BCL9: variants seen among roughly 807,000 people sequenced by gnomAD.
The protein encoded by BCL9 is BCL9 transcription coactivator.
BCL9 carries 25 observed loss-of-function variants against 88.5 expected under a neutral mutation model. The ratio of observed to expected loss-of-function variants is 0.28; its 90% CI spans 0.21 to 0.39. The LOEUF (loss-of-function observed/expected upper bound fraction) is 0.39. Ranked by LOEUF, BCL9 falls within the 10% of genes least tolerant of loss-of-function variation. The pLI, the probability that BCL9 is intolerant of heterozygous loss-of-function variation, is 1.00. For missense variants in BCL9, 1,817 were observed against 1,877.8 expected, an observed-to-expected ratio of 0.97 and a Z score of 0.60; for synonymous variants, 711 against 673.3, an observed-to-expected ratio of 1.06 and a Z score of -0.87.
intron 1 of BCL9, among the ~76,000 whole-genome samples, chr1:147,569,618 C>A (rs1655784774): frequency 6.6e-6 from 1 of 151,824 alleles, no homozygotes; most frequent in African/African-American, 2.4e-5. Flanking sequence ...CCACTGCACT[C>A]CAGCCTGGAT....
intron 7 of BCL9, among the ~76,000 whole-genome samples, chr1:147,616,322 C>T (rs948088811): frequency 1.3e-5 from 2 of 152,304 alleles, no homozygotes; most frequent in Admixed American, 1.3e-4. Flanking sequence ...GTATCATAAT[C>T]AGAGCCTCAT....
intron 1 of BCL9, among the ~76,000 whole-genome samples, chr1:147,594,039 T>C (rs925440638): frequency 2.6e-5 from 4 of 152,222 alleles, no homozygotes; most frequent in Non-Finnish European, 2.9e-5. Context: ...ATATTGTTTC[T>C]GTTATACAAT....
chr1:147,566,343 C>T (rs1303309519), intron 1 of BCL9, among the ~76,000 whole-genome samples: 5 of 152,102 alleles, frequency 3.3e-5, no homozygotes, highest in Non-Finnish European at 4.4e-5. Flanking sequence ...TATGTATAGG[C>T]AGGAGTGGGT....
chr1:147,578,532 GA>G (rs1390438052), intron 1 of BCL9, among the ~76,000 whole-genome samples: 26 of 151,916 alleles, frequency 1.7e-4, no homozygotes, highest in African/African-American at 5.8e-4. Context: ...TTCAAAATGT[GA>G]AAAAAAATCT....
chr1:147,614,647 C>T, intron 6 of BCL9, 31 bp downstream of exon 6: 3 of 1,565,906 alleles, frequency 1.9e-6, no homozygotes, highest in Non-Finnish European at 2.6e-6. Flanking sequence ...TGCTGTTGGG[C>T]AGGGCTTGTC....
chr1:147,609,144 TTGGGGGAAAAAAATCTCTC>T (rs1657875647), intron 3 of BCL9, among the ~76,000 whole-genome samples: 1 of 152,154 alleles, frequency 6.6e-6, no homozygotes. Flanking sequence ...TGTAGTTATG[TTGGGGGAAAAAAATCTCTC>T]TGGCTATAAT....
rs782280789 is a variant in BCL9 at position 147,624,111 on chromosome 1, C to T, written c.3433C>T (p.Gln1145Ter). 6.2e-7 allele frequency: 1 copy of T among 1,601,152 alleles called. No homozygotes were observed. The change falls in exon 10 of 10, where the codon CAG (glutamine) becomes TAG (stop). Residue 1145 changes from glutamine (Q) to a stop codon, truncating the protein, a stop_gained. Transcript: ENST00000234739. LOFTEE classifies it high-confidence loss of function. This position sits in a 1 kb window ranked among gnomAD's most constrained non-coding sequence, Gnocchi z 4.4. ...MGFPQGFPPVQSPPQQVPFPH... is the reference protein window; with the variant it reads ...MGFPQGFPPV ...CTTCCCCCAGGGCTTCCCTCCAGTA[C>T]AGTCTCCCCCACAGCAGGTTCCATT...
intron 2 of BCL9, among the ~76,000 whole-genome samples, chr1:147,605,624 G>A (rs587680103): frequency 2.1e-4 from 32 of 152,276 alleles, no homozygotes; most frequent in African/African-American, 7.7e-4. Context: ...TTAATATTTT[G>A]CTTGGACCAA....
chr1:147,617,669 C>T (rs1021416993), intron 7 of BCL9, among the ~76,000 whole-genome samples: 1 of 152,062 alleles, frequency 6.6e-6, no homozygotes, highest in African/African-American at 2.4e-5. Flanking sequence ...CAGAGATACA[C>T]GTAATTATTT....
Position 147,620,377 on chromosome 1 carries a change from G to A in BCL9, c.2222G>A (p.Gly741Glu), listed in dbSNP as rs781899252. ...ATACCTCAGAAGATGAGAGAGGCTG[G>A]GGCGGGCCCTGAGGAGATGCTGAAA... ...QMIPQKMREA[G>E]AGPEEMLKLR... The change falls in exon 8 of 10, where the codon GGG (glycine) becomes GAG (glutamate). Residue 741 changes from glycine (G) to glutamate (E), a missense_variant. Physicochemically the swap from Gly to Glu is moderately conservative, Grantham distance 98. Coordinates refer to ENST00000234739, the MANE Select transcript of BCL9 (RefSeq NM_004326.4). The A allele has an allele frequency of 5.0e-6, 8 of 1,614,050 alleles. No individual in the cohort carries two copies. In the East Asian group the frequency reaches 1.8e-4, roughly 36 times the overall value.
chr1:147,579,086 G>A (rs976231154), intron 1 of BCL9, among the ~76,000 whole-genome samples: 4 of 152,048 alleles, frequency 2.6e-5, no homozygotes, highest in African/African-American at 7.2e-5. Flanking sequence ...GGCTGGTCTC[G>A]AACTCCTGAC....
intron 1 of BCL9, among the ~76,000 whole-genome samples, chr1:147,561,743 T>G (rs964311257): frequency 6.6e-6 from 1 of 152,188 alleles, no homozygotes; most frequent in Admixed American, 6.5e-5. Context: ...CACAGATAAC[T>G]GTAATACAAA....
chr1:147,619,822 C>A lies in BCL9; in HGVS notation c.1667C>A (p.Pro556Gln). Residue 556 changes from proline to glutamine, a missense_variant, in exon 8 of 10, where the codon CCA (proline) becomes CAA (glutamine). Pro to Gln is a moderately conservative substitution (Grantham distance 76). Coordinates refer to ENST00000234739, the MANE Select transcript of BCL9 (RefSeq NM_004326.4). This position sits in a 1 kb window ranked among gnomAD's most constrained non-coding sequence, Gnocchi z 4.1. The part of the protein sequence containing the change: ...PRGMAPHPNM[P>Q]GSQMRLPGFA... ...GGCATGGCTCCCCACCCCAACATGC[C>A]AGGGAGCCAGATGCGCCTCCCTGGA... 1 of 1,614,152 alleles carries A rather than the reference C, an allele frequency of 6.2e-7. No homozygotes were observed. Among genetic ancestry groups the A allele is most frequent in the East Asian group, 2.2e-5 (1 of 44,856 alleles).
intron 1 of BCL9, among the ~76,000 whole-genome samples, chr1:147,568,797 T>A (rs966628119): frequency 7.2e-5 from 11 of 152,146 alleles, no homozygotes; most frequent in Non-Finnish European, 1.5e-4. Context: ...GGAATACATT[T>A]CTTTAAATGT....
intron 1 of BCL9, among the ~76,000 whole-genome samples, chr1:147,570,653 T>TTTAG (rs1481643504): frequency 2.0e-5 from 1 of 51,256 alleles, no homozygotes; most frequent in African/African-American, 1.0e-4. Flanking sequence ...TTTTTTTTTG[T>TTTAG]AGATGGAGTT....
intron 1 of BCL9, among the ~76,000 whole-genome samples, chr1:147,559,475 AG>A (rs1380878063): frequency 2.0e-5 from 3 of 152,196 alleles, no homozygotes; most frequent in Non-Finnish European, 4.4e-5. Flanking sequence ...GTTCCTGTTT[AG>A]GTTAGGCAAG....
intron 4 of BCL9, 64 bp from the exon 5 acceptor site, chr1:147,612,819 C>T (rs1296452984): frequency 3.3e-6 from 5 of 1,526,984 alleles, no homozygotes; most frequent in African/African-American, 1.4e-5. Context: ...AACTGCCTCT[C>T]TCTAATTTGT....
At chr1:147,544,593 G>A (rs1469610295) in intron 1 of BCL9, among the ~76,000 whole-genome samples, 2 of 151,988 alleles carry the variant, frequency 1.3e-5, no homozygotes, top group African/African-American at 2.4e-5. Flanking sequence ...TGATTCCATC[G>A]TTCTTCCAGG....
chr1:147,550,461 C>CA (rs1341876801), intron 1 of BCL9, among the ~76,000 whole-genome samples: 4 of 151,502 alleles, frequency 2.6e-5, no homozygotes, highest in East Asian at 3.9e-4. Context: ...AAATTTATAA[C>CA]AAAAAAAATT....
Sources: gnomAD v4.1 joint callset for allele counts (sites outside exome capture counted in the v4.1 genomes callset) on GRCh38, gnomAD v4.1.1 for gene constraint, Gnocchi (gnomAD v3.1) non-coding constraint, MANE v1.5 for transcripts, NCBI Gene and HGNC (gene_info 2026-07-23, HGNC 2026-07-21) for gene names.